SCLT1: variants seen among roughly 807,000 people sequenced by gnomAD.
SCLT1 encodes the protein sodium channel-associated protein 1.
In SCLT1, 78 loss-of-function variants were observed where a neutral mutation model predicts 112.8. That is an observed-to-expected ratio of 0.69 (90% CI 0.58 to 0.83). The LOEUF (loss-of-function observed/expected upper bound fraction) is 0.83. SCLT1 is among the 40% of genes least tolerant of loss of function. The pLI, the probability that SCLT1 is intolerant of heterozygous loss-of-function variation, is 0.00. For synonymous variants in SCLT1, 257 were observed against 254.7 expected, an observed-to-expected ratio of 1.01 and a Z score of -0.09; for missense variants, 747 against 770.4, an observed-to-expected ratio of 0.97 and a Z score of 0.36.
At position 129,086,745 on chromosome 4, in the gene SCLT1, A is replaced by T. The variant is rs554465387; in HGVS notation, c.35-4372T>A. Among the ~76,000 whole-genome samples, 35 of 152,310 alleles carry T rather than the reference A, an allele frequency of 2.3e-4. No homozygotes were observed. In the East Asian group the frequency reaches 6.4e-3, roughly 28 times the overall value. Reference sequence around the variant, plus strand: ...ATGGTTACAGCCTGTAAAAGACACCAGTAAAAACAAACTGGGAAGCAGTCA... The same window carrying T: ...ATGGTTACAGCCTGTAAAAGACACCTGTAAAAACAAACTGGGAAGCAGTCA... On this transcript the variant is annotated intron_variant, in intron 1 of 20. Transcript: ENST00000281142.
At chr4:129,068,505 C>T (rs1255942523) in intron 2 of SCLT1, among the ~76,000 whole-genome samples, 1 of 152,088 alleles carries the variant, frequency 6.6e-6, no homozygotes, top group Admixed American at 6.5e-5. Context: ...TGTTTGTTGG[C>T]CATCTGTATA....
intron 5 of SCLT1, among the ~76,000 whole-genome samples, chr4:129,030,950 G>T (rs764198333): frequency 1.1e-4 from 16 of 152,002 alleles, no homozygotes; most frequent in South Asian, 2.1e-4. Context: ...TAGAGAAAGA[G>T]GGACTCCTCC....
chr4:128,896,783 T>A (rs1033248604), intron 18 of SCLT1, among the ~76,000 whole-genome samples: 1 of 151,950 alleles, frequency 6.6e-6, no homozygotes, highest in African/African-American at 2.4e-5. Context: ...TGAAAAAAAA[T>A]TAGACAAATG....
chr4:128,998,728 T>G (rs1042107801), intron 7 of SCLT1, among the ~76,000 whole-genome samples: 9 of 151,754 alleles, frequency 5.9e-5, no homozygotes, highest in Admixed American at 2.6e-4. Context: ...ACATGTGGAC[T>G]TTTTTTCAAG....
rs181690569 is a variant in SCLT1 at position 128,920,194 on chromosome 4, C to T, written c.1829+16461G>A. Among the ~76,000 whole-genome samples the T allele has an allele frequency of 9.9e-5, 15 of 152,240 alleles. No individual in the cohort carries two copies. In the East Asian group the frequency reaches 2.1e-3, roughly 22 times the overall value. On this transcript the variant is annotated intron_variant, in intron 18 of 20. Coordinates refer to ENST00000281142, the MANE Select transcript of SCLT1 (RefSeq NM_144643.4). Reference sequence around the variant, plus strand: ...CCAGCAGCACATCAAAAAGACGATCCGCCACAATCAAGTAAGCTTTATTCC... The same window carrying T: ...CCAGCAGCACATCAAAAAGACGATCTGCCACAATCAAGTAAGCTTTATTCC...
intron 2 of SCLT1, among the ~76,000 whole-genome samples, chr4:129,067,550 A>C (rs1185305348): frequency 6.6e-6 from 1 of 152,122 alleles, no homozygotes; most frequent in Admixed American, 6.6e-5. Flanking sequence ...TGGCTCTGTC[A>C]CTCACGCTGG....
intron 5 of SCLT1, among the ~76,000 whole-genome samples, chr4:129,031,873 T>A (rs187088523): frequency 7.2e-5 from 11 of 152,232 alleles, no homozygotes; most frequent in African/African-American, 2.6e-4. Context: ...AATGGTCATA[T>A]TGCCCAAAGT....
At position 128,884,179 on chromosome 4, in the gene SCLT1, T is replaced by C. The variant is rs1732724617; in HGVS notation, c.*298A>G. 1 of 242,264 alleles carries C rather than the reference T, an allele frequency of 4.1e-6. No homozygotes were observed. The highest frequency in any genetic ancestry group is 7.8e-6 in the Non-Finnish European group (1 of 128,280). 15.0% of individuals were successfully genotyped at this position (242,264 alleles called of 1,614,324 possible). On this transcript the variant is annotated 3_prime_UTR_variant, in exon 21 of 21. Transcript: ENST00000281142. ...AAGAGAAATTTGCATAGTTTGAAAA[T>C]TATTATGTCCTTTCAAGGGAAAAAG...
intron 9 of SCLT1, among the ~76,000 whole-genome samples, chr4:128,987,068 C>T (rs1172579995): frequency 3.9e-5 from 6 of 152,132 alleles, no homozygotes; most frequent in South Asian, 2.1e-4. Context: ...AGAGCTGCAG[C>T]ATTCCTAGGC....
chr4:128,931,966 A>G (rs898882072), intron 18 of SCLT1, among the ~76,000 whole-genome samples: 1 of 147,536 alleles, frequency 6.8e-6, no homozygotes, highest in Admixed American at 6.8e-5. Context: ...TTTTTTAACA[A>G]TTATAGCCCA....
intron 1 of SCLT1, among the ~76,000 whole-genome samples, chr4:129,092,417 C>A (rs72927920): frequency 6.6e-6 from 1 of 152,134 alleles, no homozygotes; most frequent in Admixed American, 6.5e-5. Flanking sequence ...TTGTACTGCA[C>A]GTTTCAGCCC....
chr4:129,075,548 A>C (rs1225905345), intron 2 of SCLT1, among the ~76,000 whole-genome samples: 1 of 152,178 alleles, frequency 6.6e-6, no homozygotes, highest in Non-Finnish European at 1.5e-5. Flanking sequence ...AGCTTCAAGC[A>C]TATATAACTA....
At chr4:128,979,965 A>T (rs560815554) in intron 9 of SCLT1, among the ~76,000 whole-genome samples, 1 of 152,246 alleles carries the variant, frequency 6.6e-6, no homozygotes, top group East Asian at 1.9e-4. Flanking sequence ...ATATATAAAC[A>T]TTATTGAATA....
intron 17 of SCLT1, among the ~76,000 whole-genome samples, chr4:128,937,822 C>G (rs1030994906): frequency 6.6e-6 from 1 of 152,158 alleles, no homozygotes; most frequent in African/African-American, 2.4e-5. Flanking sequence ...TTTGGATACC[C>G]TAGAAGCTTT....
chr4:129,065,980 T>C lies in SCLT1; in HGVS notation c.102+16326A>G, dbSNP rs551062326. Reference sequence around the variant, plus strand: ...TATAGATAAGTCAGTAGGGAAAACATCAAATAATAAATGCTGGAAGCAATG... The same window carrying C: ...TATAGATAAGTCAGTAGGGAAAACACCAAATAATAAATGCTGGAAGCAATG... On this transcript the variant is annotated intron_variant, in intron 2 of 20. Coordinates refer to ENST00000281142, the MANE Select transcript of SCLT1 (RefSeq NM_144643.4). Among the ~76,000 whole-genome samples the C allele has an allele frequency of 3.9e-5, 6 of 151,912 alleles. No homozygotes were observed. In the South Asian group the frequency reaches 1.2e-3, roughly 32 times the overall value.
chr4:129,058,735 T>C (rs573300622), intron 2 of SCLT1, among the ~76,000 whole-genome samples: 53 of 152,306 alleles, frequency 3.5e-4, no homozygotes, highest in South Asian at 1.7e-3. Context: ...ATTTGGTCTA[T>C]AGTTTAAATC....
intron 18 of SCLT1, among the ~76,000 whole-genome samples, chr4:128,920,287 A>G (rs1441230336): frequency 6.6e-6 from 1 of 152,156 alleles, no homozygotes; most frequent in East Asian, 1.9e-4. Flanking sequence ...CAGAACTAAA[A>G]ACAAAAATCA....
intron 4 of SCLT1, chr4:129,039,338 T>C: frequency 2.7e-6 from 1 of 365,088 alleles, no homozygotes. Context: ...TGGTGAGAAA[T>C]GTTTATAAAT....
chr4:129,082,306 C>G lies in SCLT1; in HGVS notation c.102G>C (p.Gln34His). Residue 34 changes from glutamine to histidine, a missense_variant and splice_region_variant, in exon 2 of 21, where the codon CAG becomes CAC. Physicochemically the swap from Gln to His is conservative, Grantham distance 24. Transcript: ENST00000281142. ...MESFSKYSSV[Q>H]KAVCQGEGDD... ...CAAGTAGAATTTATAATTTACATACCTGTACAGATGAATATTTGGAAAAAC... is the reference window on the plus strand; with the variant it reads ...CAAGTAGAATTTATAATTTACATACGTGTACAGATGAATATTTGGAAAAAC... 2 of 1,471,810 alleles carry G rather than the reference C, an allele frequency of 1.4e-6. No homozygotes were observed. The highest frequency in any genetic ancestry group is 1.9e-6 in the Non-Finnish European group (2 of 1,060,256). The allele number at this position is 1,471,810 out of a possible 1,614,324, so 91.2% of individuals were successfully genotyped here. A position where few individuals can be genotyped will look rare whatever the true frequency, so the allele number is the denominator to read the frequency against.
Sources: allele counts gnomAD v4.1 joint callset (sites outside exome capture counted in the v4.1 genomes callset), GRCh38; gene constraint gnomAD v4.1.1; transcripts MANE v1.5; gene names NCBI Gene and HGNC (gene_info 2026-07-23, HGNC 2026-07-21).